Variants in PML observed in about 807,000 individuals in gnomAD.
The protein encoded by PML is protein PML.
Under a neutral mutation model 65.2 loss-of-function variants are expected in PML, and 28 were observed. The observed-to-expected ratio is 0.43, with a 90% CI of 0.32 to 0.59. The LOEUF is 0.59. Ranked by LOEUF, PML falls within the 20% of genes least tolerant of loss-of-function variation. The probability of loss-of-function intolerance (pLI) is 0.08; values close to 1 mark genes in which losing one functional copy is unlikely to be tolerated. For synonymous variants in PML, 500 were observed against 508.8 expected, an observed-to-expected ratio of 0.98 and a Z score of 0.23; for missense variants, 1,021 against 1,203.4, an observed-to-expected ratio of 0.85 and a Z score of 2.24.
intron 2 of PML, 45 bp from the exon 3 acceptor site, chr15:74,022,783 A>C: frequency 6.6e-7 from 1 of 1,504,532 alleles, no homozygotes; most frequent in African/African-American, 1.4e-5. Flanking sequence ...TTAAGAGGAA[A>C]AAGTCAGGAG....
At position 73,998,419 on chromosome 15, in the gene PML, G is replaced by A. The variant is rs1251375241; in HGVS notation, c.545G>A (p.Arg182His). The A allele has an allele frequency of 1.2e-6, 2 of 1,613,986 alleles. No homozygotes were observed. The highest frequency in any genetic ancestry group is 1.1e-5 in the South Asian group (1 of 91,088). ...QSVREFLDGTRKTNNIFCSNP... is the reference protein window; with the variant it reads ...QSVREFLDGTHKTNNIFCSNP... ...GTGCGTGAGTTCCTGGACGGCACCC[G>A]CAAGACCAACAACATCTTCTGCTCC... is the stretch of plus-strand genomic sequence containing the variant. The change falls in exon 2 of 9, where the codon CGC becomes CAC. Residue 182 changes from arginine to histidine, a missense_variant. Arg to His is a conservative substitution (Grantham distance 29, BLOSUM62 0). Transcript: ENST00000268058.
At chr15:74,008,966 A>T (rs2070194870) in intron 2 of PML, among the ~76,000 whole-genome samples, 1 of 152,344 alleles carries the variant, frequency 6.6e-6, no homozygotes, top group Middle Eastern at 3.4e-3. Flanking sequence ...ACTGAAGCAA[A>T]GAATCTGGAC....
At chr15:73,997,963 TG>T (rs778648446) in intron 1 of PML, 40 bp from the exon 2 acceptor site, 91 of 1,576,744 alleles carry the variant, frequency 5.8e-5, no homozygotes, top group Non-Finnish European at 7.6e-5. Flanking sequence ...TGGGGGCTTT[TG>T]GGACTTCTCC....
In PML at chr15:74,045,565, C is replaced by T. The variant is rs2071762722; in HGVS notation, c.*557C>T. Reference sequence around the variant, plus strand: ...ACTCTGTTCCCTTCTCCTTTCATCCCAGAGGGGCCTCATCAGCAAAGACAG... The same window carrying T: ...ACTCTGTTCCCTTCTCCTTTCATCCTAGAGGGGCCTCATCAGCAAAGACAG... On this transcript the variant is annotated 3_prime_UTR_variant, in exon 9 of 9. Transcript: ENST00000268058. 1 of 234,086 alleles carries T rather than the reference C, an allele frequency of 4.3e-6. No homozygotes were observed. The highest frequency in any genetic ancestry group is 6.0e-5 in the East Asian group (1 of 16,578). The allele number at this position is 234,086 out of a possible 1,614,324, so 14.5% of individuals were successfully genotyped here.
chr15:74,013,286 G>T (rs1011442976), intron 2 of PML, among the ~76,000 whole-genome samples: 13 of 151,522 alleles, frequency 8.6e-5, no homozygotes, highest in Non-Finnish European at 1.8e-4. Flanking sequence ...TTAACTTTAG[G>T]TGTGTTCAGT....
chr15:74,024,784 T>G (rs1358645212), intron 3 of PML, 73 bp from the exon 4 acceptor site: 1 of 1,083,670 alleles, frequency 9.2e-7, no homozygotes, highest in African/African-American at 1.5e-5. Context: ...CTCCTCTCTA[T>G]CACTGTCCCA....
Position 74,046,519 on chromosome 15 carries a change from G to T in PML, c.*1511G>T, listed in dbSNP as rs1052489048. 8.6e-6 allele frequency: 2 copies of T among 232,660 alleles called. No homozygotes were observed. The highest frequency in any genetic ancestry group is 5.6e-5 in the Admixed American group (1 of 17,762). The allele number at this position is 232,660 out of a possible 1,614,324, so 14.4% of individuals were successfully genotyped here. ...CCACTGAGGAATTCCGTAGGGTCTT[G>T]TTCCCACGACCGGAGTGCTGGCTCT... is the stretch of plus-strand genomic sequence containing the variant. On this transcript the variant is annotated 3_prime_UTR_variant, in exon 9 of 9. Transcript: ENST00000268058.
At chr15:74,025,538 G>A (rs1331065165) in intron 4 of PML, 1 of 159,594 alleles carries the variant, frequency 6.3e-6, no homozygotes, top group Admixed American at 5.9e-5. Context: ...GACTGTCTCA[G>A]GGTTCAAGGT....
chr15:74,019,544 C>G (rs376722295), intron 2 of PML, among the ~76,000 whole-genome samples: 11 of 152,208 alleles, frequency 7.2e-5, no homozygotes, highest in African/African-American at 2.7e-4. Context: ...CCACCCATCC[C>G]ATAGCCACTT....
In PML at chr15:74,022,857, T is replaced by C; in HGVS notation, c.632T>C (p.Leu211Pro). 1 of 1,613,952 alleles carries C rather than the reference T, an allele frequency of 6.2e-7. No homozygotes were observed. The highest frequency in any genetic ancestry group is 8.5e-7 in the Non-Finnish European group (1 of 1,179,982). Residue 211 changes from leucine to proline, a missense_variant, in exon 3 of 9, where the codon CTG becomes CCG. By Grantham distance (98) the Leu-to-Pro change is moderately conservative. Transcript: ENST00000268058. Reference protein sequence around the residue: ...SIYCRGCSKPLCCSCALLDSS... With the variant: ...SIYCRGCSKPPCCSCALLDSS... ...TACTGCCGAGGATGTTCCAAGCCGC[T>C]GTGCTGCTCGTGCGCGCTCCTTGAC...
chr15:74,035,319 C>G lies in PML; in HGVS notation c.1710+789C>G, dbSNP rs201804134. 17 of 1,612,798 alleles carry G rather than the reference C, an allele frequency of 1.1e-5. No individual in the cohort carries two copies. The Admixed American group carries it at 2.0e-4, about 19-fold the overall frequency. On this transcript the variant is annotated intron_variant, in intron 7 of 8. Coordinates refer to ENST00000268058, the MANE Select transcript of PML (RefSeq NM_033238.3). This position sits in a 1 kb window ranked among gnomAD's most constrained non-coding sequence, Gnocchi z 4.1. Reference sequence around the variant, plus strand: ...CCTGCCCTGTGGCACATACCACCCCCCAGCTTGGCCTCCCCACCAGCCCGC... The same window carrying G: ...CCTGCCCTGTGGCACATACCACCCCGCAGCTTGGCCTCCCCACCAGCCCGC...
chr15:74,010,915 T>C (rs1208892311), intron 2 of PML, among the ~76,000 whole-genome samples: 1 of 152,238 alleles, frequency 6.6e-6, no homozygotes, highest in Non-Finnish European at 1.5e-5. Context: ...TTTATTTGTC[T>C]CTATAAGTTG....
intron 5 of PML, 59 bp from the exon 6 acceptor site, chr15:74,033,097 G>A: frequency 1.3e-6 from 2 of 1,599,252 alleles, no homozygotes; most frequent in Non-Finnish European, 1.7e-6. Flanking sequence ...AGTCAGGGCA[G>A]GCTCTGCCCA....
chr15:74,044,604 G>A lies in PML; in HGVS notation c.2245G>A (p.Ala749Thr), dbSNP rs867495375. Reference sequence around the variant, plus strand: ...GCGCAGCGCCATGGCTGCCGTGCTGGCCATGCGTGACCTGTGCCGCCTCCT... The same window carrying A: ...GCGCAGCGCCATGGCTGCCGTGCTGACCATGCGTGACCTGTGCCGCCTCCT... ...SERSAMAAVL[A>T]MRDLCRLLEV... The change falls in exon 9 of 9, where the codon GCC (alanine) becomes ACC (threonine). Residue 749 changes from alanine (A) to threonine (T), a missense_variant. Transcript: ENST00000268058. The A allele has an allele frequency of 3.7e-6, 6 of 1,608,048 alleles. No homozygotes were observed. The highest frequency in any genetic ancestry group is 1.7e-5 in the Admixed American group (1 of 59,998).
In PML at chr15:74,044,383, C is replaced by T; in HGVS notation, c.2024C>T (p.Ala675Val). ...AGCTCCATGCGCCGCCCTATCTTGG[C>T]CTGCTACAAGCTGTGGGGGCCTGGC... ...FLSSMRRPILACYKLWGPGLP... is the reference protein window; with the variant it reads ...FLSSMRRPILVCYKLWGPGLP... Residue 675 changes from alanine (A) to valine (V), a missense_variant, in exon 9 of 9, where the codon GCC becomes GTC. Ala to Val is a moderately conservative substitution (Grantham distance 64). Coordinates refer to ENST00000268058, the MANE Select transcript of PML (RefSeq NM_033238.3). 6.2e-7 allele frequency: 1 copy of T among 1,614,226 alleles called. No homozygotes were observed. The highest frequency in any genetic ancestry group is 8.5e-7 in the Non-Finnish European group (1 of 1,180,032).
At chr15:74,028,820 G>A (rs905857441) in intron 4 of PML, among the ~76,000 whole-genome samples, 19 of 152,140 alleles carry the variant, frequency 1.2e-4, no homozygotes, top group Non-Finnish European at 1.5e-5. Context: ...CATGTAGCAT[G>A]TGTCAGAATT....
Position 73,994,782 on chromosome 15 carries a change from T to TA in PML, c.-28dup, listed in dbSNP as rs1165602759. 3 of 1,550,854 alleles carry TA rather than the reference T, an allele frequency of 1.9e-6. No homozygotes were observed. The East Asian group carries it at 7.3e-5, about 38-fold the overall frequency. On this transcript the variant is annotated 5_prime_UTR_variant, in exon 1 of 9. Coordinates refer to ENST00000268058, the MANE Select transcript of PML (RefSeq NM_033238.3). ...GCTTCTCTTCACGCACTCCAAGATC[T>TA]AAACCGAGAATCGAAACTAAGCTGG...
chr15:74,011,839 G>T (rs188996255), intron 2 of PML, among the ~76,000 whole-genome samples: 84 of 152,334 alleles, frequency 5.5e-4, no homozygotes, highest in African/African-American at 1.9e-3. Flanking sequence ...GAGCTTGCCA[G>T]AGCCGGGGCC....
chr15:74,036,138 C>T, intron 7 of PML: 1 of 1,610,172 alleles, frequency 6.2e-7, no homozygotes, highest in Non-Finnish European at 8.5e-7. Context: ...TCTTCTCTGG[C>T]TGAGAGGGGA....
Sources: allele counts gnomAD v4.1 joint callset (sites outside exome capture counted in the v4.1 genomes callset), GRCh38; gene constraint gnomAD v4.1.1; non-coding constraint Gnocchi (gnomAD v3.1); transcripts MANE v1.5; gene names NCBI Gene and HGNC (gene_info 2026-07-23, HGNC 2026-07-21).